The following FILIP1L variants were observed in gnomAD, a reference collection of about 807,000 sequenced individuals.
FILIP1L encodes the protein filamin A interacting protein 1 like.
A neutral mutation model predicts 96.6 loss-of-function variants in FILIP1L; 55 were observed. The observed-to-expected ratio is 0.57, with a 90% confidence interval of 0.46 to 0.71. The LOEUF is 0.71. FILIP1L is among the 30% of genes least tolerant of loss of function. The pLI is 0.00. For missense variants in FILIP1L, 1,304 were observed against 1,321.2 expected, an observed-to-expected ratio of 0.99 and a Z score of 0.20; for synonymous variants, 467 against 473.9, an observed-to-expected ratio of 0.99 and a Z score of 0.19.
At chr3:99,882,588 T>C (rs1477336169) in intron 4 of FILIP1L, among the ~76,000 whole-genome samples, 1 of 152,210 alleles carries the variant, frequency 6.6e-6, no homozygotes, top group Non-Finnish European at 1.5e-5. Flanking sequence ...TCTGTTCCCA[T>C]TTTTAAATAG....
intron 4 of FILIP1L, among the ~76,000 whole-genome samples, chr3:99,906,048 C>T (rs146728254): frequency 8.9e-4 from 135 of 152,192 alleles, no homozygotes; most frequent in African/African-American, 3.1e-3. Flanking sequence ...CAAACATTAG[C>T]TGGGCATGGT....
chr3:100,104,071 G>A (rs932999959), intron 1 of FILIP1L, among the ~76,000 whole-genome samples: 3 of 152,178 alleles, frequency 2.0e-5, no homozygotes, highest in African/African-American at 7.2e-5. Context: ...CTGAGGAGAG[G>A]TGACTTTTCA....
At chr3:100,066,156 A>C (rs2065659790) in intron 1 of FILIP1L, among the ~76,000 whole-genome samples, 1 of 152,178 alleles carries the variant, frequency 6.6e-6, no homozygotes, top group Non-Finnish European at 1.5e-5. Flanking sequence ...TTCAAACTGG[A>C]ATTTCTGATA....
Position 99,832,865 on chromosome 3 carries a change from T to G in FILIP1L, c.3382-2260A>C, listed in dbSNP as rs965840496. On this transcript the variant is annotated intron_variant, in intron 5 of 5. Transcript: ENST00000477258. ...AAAAAAAAAAAAAAAAAAGTTGTTT[T>G]TTTTTTTTTTCTTGTATGACTTATC... Among the ~76,000 whole-genome samples the G allele has an allele frequency of 5.3e-5, 8 of 149,554 alleles. No homozygotes were observed. In the South Asian group the frequency reaches 8.4e-4, roughly 16 times the overall value.
At chr3:100,042,626 A>G (rs1456259348) in intron 1 of FILIP1L, among the ~76,000 whole-genome samples, 2 of 152,228 alleles carry the variant, frequency 1.3e-5, no homozygotes, top group Non-Finnish European at 2.9e-5. Context: ...AATTCCAACC[A>G]TGCCAGATGA....
At chr3:100,052,930 A>G (rs541552150) in intron 1 of FILIP1L, among the ~76,000 whole-genome samples, 78 of 152,310 alleles carry the variant, frequency 5.1e-4, no homozygotes, top group African/African-American at 1.8e-3. Flanking sequence ...CCTGTAATAT[A>G]TAATTTCCCC....
In FILIP1L at chr3:99,829,731, G is replaced by A. The variant is rs900081618; in HGVS notation, c.*683C>T. Among the ~76,000 whole-genome samples the A allele has an allele frequency of 6.6e-6, 1 of 152,252 alleles. No homozygotes were observed. Among genetic ancestry groups the A allele is most frequent in the Non-Finnish European group, 1.5e-5 (1 of 68,002 alleles). ...AATTCTGTATTTTTTCAAGCACCTG[G>A]AATATTGATTCATGTCTCCCTAAAA... On this transcript the variant is annotated 3_prime_UTR_variant, in exon 6 of 6. Coordinates refer to ENST00000477258, the MANE Select transcript of FILIP1L (RefSeq NM_001387850.1).
At chr3:99,887,852 C>G (rs1705959050) in intron 4 of FILIP1L, among the ~76,000 whole-genome samples, 1 of 152,090 alleles carries the variant, frequency 6.6e-6, no homozygotes, top group Admixed American at 6.5e-5. Context: ...CTCCCTACTC[C>G]CACCTCAGCC....
intron 1 of FILIP1L, among the ~76,000 whole-genome samples, chr3:100,088,538 A>C (rs952226125): frequency 6.6e-6 from 1 of 152,198 alleles, no homozygotes; most frequent in Non-Finnish European, 1.5e-5. Context: ...GCACATTAAT[A>C]ATTCATAATA....
At chr3:99,964,323 G>A (rs1708582169) in intron 1 of FILIP1L, 1 of 149,390 alleles carries the variant, frequency 6.7e-6, no homozygotes, top group Admixed American at 6.6e-5. Flanking sequence ...CCCTAGCCCA[G>A]TACAAGGCAT....
intron 4 of FILIP1L, among the ~76,000 whole-genome samples, chr3:99,877,909 G>A (rs972415859): frequency 1.3e-5 from 2 of 152,040 alleles, no homozygotes; most frequent in African/African-American, 4.8e-5. Flanking sequence ...CCCTCTGATA[G>A]GCAAATATGT....
intron 5 of FILIP1L, among the ~76,000 whole-genome samples, chr3:99,838,492 C>T (rs1465855800): frequency 1.3e-5 from 2 of 152,154 alleles, no homozygotes; most frequent in Admixed American, 6.5e-5. Context: ...GAAAGCCCTG[C>T]ATATGTTTAG....
At chr3:100,036,035 T>C (rs943631992) in intron 1 of FILIP1L, among the ~76,000 whole-genome samples, 1 of 152,344 alleles carries the variant, frequency 6.6e-6, no homozygotes, top group East Asian at 1.9e-4. Context: ...ATAAGTCCAT[T>C]GTAACATAGA....
At chr3:99,914,521 T>C (rs917972542) in intron 4 of FILIP1L, among the ~76,000 whole-genome samples, 4 of 152,232 alleles carry the variant, frequency 2.6e-5, no homozygotes, top group Admixed American at 1.3e-4. Context: ...CACTTTATAC[T>C]CTTTACAACA....
chr3:100,044,235 A>G (rs914812313), intron 1 of FILIP1L, among the ~76,000 whole-genome samples: 4 of 152,194 alleles, frequency 2.6e-5, no homozygotes, highest in African/African-American at 7.2e-5. Context: ...AGGCATTGTG[A>G]TGGGCACAAG....
chr3:99,959,582 G>T (rs1324031222), intron 1 of FILIP1L, among the ~76,000 whole-genome samples: 3 of 152,144 alleles, frequency 2.0e-5, no homozygotes, highest in African/African-American at 4.8e-5. Context: ...AGTTTTCCAC[G>T]TGTATAATTT....
At chr3:100,086,479 T>C (rs2066011175) in intron 1 of FILIP1L, among the ~76,000 whole-genome samples, 1 of 152,186 alleles carries the variant, frequency 6.6e-6, no homozygotes, top group Non-Finnish European at 1.5e-5. Context: ...AGTACCTAAC[T>C]CCTAGTTGAT....
intron 1 of FILIP1L, among the ~76,000 whole-genome samples, chr3:99,969,941 G>A (rs1708765395): frequency 6.6e-6 from 1 of 152,158 alleles, no homozygotes; most frequent in African/African-American, 2.4e-5. Flanking sequence ...AAGATAATTG[G>A]ATAATATGAA....
intron 1 of FILIP1L, among the ~76,000 whole-genome samples, chr3:100,002,982 G>A (rs1709886457): frequency 6.6e-6 from 1 of 152,204 alleles, no homozygotes; most frequent in African/African-American, 2.4e-5. Flanking sequence ...CAAGATTGAT[G>A]AAGAAAGGGC....
Sources: gnomAD v4.1 joint callset for allele counts (sites outside exome capture counted in the v4.1 genomes callset) on GRCh38, gnomAD v4.1.1 for gene constraint, MANE v1.5 for transcripts, NCBI Gene and HGNC (gene_info 2026-07-23, HGNC 2026-07-21) for gene names.